PDCD6IP: variants seen among roughly 807,000 people sequenced by gnomAD.
PDCD6IP encodes the protein programmed cell death 6-interacting protein.
PDCD6IP carries 43 observed loss-of-function variants against 103.7 expected under a neutral mutation model. That is an observed-to-expected ratio of 0.41 (90% confidence interval 0.32 to 0.53). The LOEUF (loss-of-function observed/expected upper bound fraction) is 0.53, where lower values mean the gene tolerates loss of function less well. Ranked by LOEUF, PDCD6IP falls within the 20% of genes least tolerant of loss-of-function variation. PDCD6IP has a pLI of 0.16. For synonymous variants in PDCD6IP, 354 were observed against 378.7 expected, an observed-to-expected ratio of 0.93 and a Z score of 0.76; for missense variants, 871 against 1,036.7, an observed-to-expected ratio of 0.84 and a Z score of 2.20.
intron 1 of PDCD6IP, among the ~76,000 whole-genome samples, chr3:33,810,412 C>T (rs1466970598): frequency 6.6e-6 from 1 of 152,128 alleles, no homozygotes; most frequent in Non-Finnish European, 1.5e-5. Flanking sequence ...AACTTTCTGG[C>T]ATAGCAAGAT....
chr3:33,861,874 A>T (rs1028185549), intron 15 of PDCD6IP, among the ~76,000 whole-genome samples: 1 of 152,242 alleles, frequency 6.6e-6, no homozygotes, highest in African/African-American at 2.4e-5. Context: ...GCGTTTAAGA[A>T]GAATGAATAT....
chr3:33,844,819 C>T (rs1455418583), intron 11 of PDCD6IP, among the ~76,000 whole-genome samples: 1 of 151,938 alleles, frequency 6.6e-6, no homozygotes, highest in African/African-American at 2.4e-5. Flanking sequence ...GAGCATATTA[C>T]ATTTATGGCT....
intron 7 of PDCD6IP, among the ~76,000 whole-genome samples, chr3:33,831,407 A>G (rs913985046): frequency 2.6e-5 from 4 of 152,154 alleles, no homozygotes; most frequent in African/African-American, 9.7e-5. Flanking sequence ...GATTGTCATT[A>G]TAGAATACTT....
At position 33,807,452 on chromosome 3, in the gene PDCD6IP, T is replaced by C. The variant is rs1233620315; in HGVS notation, c.210-4620T>C. ...TTGCTGCCCAGACTTACTGTGGTGC[T>C]GCCTACACCAGAGTAAATATTCTGC... On this transcript the variant is annotated intron_variant, in intron 1 of 17. Coordinates refer to ENST00000307296, the MANE Select transcript of PDCD6IP (RefSeq NM_013374.6). Among the ~76,000 whole-genome samples the C allele has an allele frequency of 2.0e-5, 3 of 152,218 alleles. No individual in the cohort carries two copies. The East Asian group carries it at 5.8e-4, about 29-fold the overall frequency.
At chr3:33,837,459 TG>T (rs1225193442) in intron 8 of PDCD6IP, among the ~76,000 whole-genome samples, 2 of 152,228 alleles carry the variant, frequency 1.3e-5, no homozygotes, top group Admixed American at 1.3e-4. Context: ...TGCCCTGAGA[TG>T]GGTACTGTTA....
intron 1 of PDCD6IP, among the ~76,000 whole-genome samples, chr3:33,809,007 C>T (rs940536819): frequency 2.0e-5 from 3 of 152,176 alleles, no homozygotes; most frequent in South Asian, 4.1e-4. Flanking sequence ...TGGCTCACCT[C>T]ATCACCTTTT....
chr3:33,805,496 G>A (rs537214968), intron 1 of PDCD6IP, among the ~76,000 whole-genome samples: 1 of 151,712 alleles, frequency 6.6e-6, no homozygotes, highest in Admixed American at 6.6e-5. Context: ...GTACAGTGGC[G>A]CCACAATAGC....
Position 33,826,570 on chromosome 3 carries a change from C to A in PDCD6IP, c.707C>A (p.Thr236Asn). The stretch of plus-strand genomic sequence containing the variant: ...TTCAAACAGTGTCAATACAAAGATA[C>A]TCTCCCCAAGGTCAGTTATTGTTTT... ...DAFKQCQYKD[T>N]LPKEVFPVLA... The change falls in exon 6 of 18, where the codon ACT (threonine) becomes AAT (asparagine). Residue 236 changes from threonine (T) to asparagine (N), a missense_variant. Physicochemically the swap from Thr to Asn is moderately conservative, Grantham distance 65 (BLOSUM62 0). Around this residue, in one of 5 missense-constraint regions of PDCD6IP, gnomAD observed 242 missense variants for 250.7 expected, o/e 0.97. Coordinates refer to ENST00000307296, the MANE Select transcript of PDCD6IP (RefSeq NM_013374.6). 6.2e-7 allele frequency: 1 copy of A among 1,611,208 alleles called. No homozygotes were observed. Among genetic ancestry groups the A allele is most frequent in the Non-Finnish European group, 8.5e-7 (1 of 1,177,706 alleles).
intron 1 of PDCD6IP, 135 bp from the exon 2 acceptor site, chr3:33,811,937 A>G (rs1696728378): frequency 1.6e-6 from 2 of 1,253,496 alleles, no homozygotes; most frequent in Admixed American, 8.2e-5. Flanking sequence ...TTACGTATTA[A>G]AAAACTTTTT....
intron 1 of PDCD6IP, among the ~76,000 whole-genome samples, chr3:33,802,529 A>G (rs6801159): frequency 0.31 from 43,345 of 138,346 alleles, 6,514 homozygotes; most frequent in East Asian, 0.43. Context: ...TGCTCTTGTT[A>G]CCCAGGCTGG....
At chr3:33,831,444 A>G (rs982231146) in intron 7 of PDCD6IP, among the ~76,000 whole-genome samples, 5 of 152,188 alleles carry the variant, frequency 3.3e-5, no homozygotes, top group Non-Finnish European at 7.4e-5. Context: ...ATGAGGGCTT[A>G]TAACATCTAA....
intron 6 of PDCD6IP, chr3:33,827,334 T>C (rs1697149581): frequency 4.0e-6 from 2 of 504,178 alleles, no homozygotes; most frequent in Non-Finnish European, 5.1e-6. Flanking sequence ...TGGTATCTGT[T>C]ACATGATTTT....
At chr3:33,811,732 A>G (rs1401443433) in intron 1 of PDCD6IP, among the ~76,000 whole-genome samples, 1 of 152,262 alleles carries the variant, frequency 6.6e-6, no homozygotes, top group East Asian at 1.9e-4. Flanking sequence ...GCAGTTTACC[A>G]GAGATACTAA....
chr3:33,855,129 T>C, intron 14 of PDCD6IP, 37 bp from the exon 15 acceptor site: 1 of 1,312,204 alleles, frequency 7.6e-7, no homozygotes, highest in Non-Finnish European at 1.1e-6. Flanking sequence ...TAAAAAATTG[T>C]TCTTGTTCCT....
At chr3:33,838,997 A>G (rs556919304) in intron 9 of PDCD6IP, among the ~76,000 whole-genome samples, 2 of 152,136 alleles carry the variant, frequency 1.3e-5, no homozygotes, top group Admixed American at 1.3e-4. Flanking sequence ...TATAGAGACA[A>G]GATCTCACTT....
At chr3:33,835,413 T>G (rs1185134768) in intron 7 of PDCD6IP, 1 of 426,484 alleles carries the variant, frequency 2.3e-6, no homozygotes, top group Admixed American at 2.7e-5. Context: ...ATTCTTTGGA[T>G]GTAGAAATAA....
At chr3:33,862,391 G>A (rs1697973831) in intron 15 of PDCD6IP, among the ~76,000 whole-genome samples, 1 of 151,936 alleles carries the variant, frequency 6.6e-6, no homozygotes, top group South Asian at 2.1e-4. Flanking sequence ...GATGTTTTGG[G>A]ACATGTCATA....
At chr3:33,838,893 C>T (rs538786940) in intron 9 of PDCD6IP, among the ~76,000 whole-genome samples, 1 of 151,924 alleles carries the variant, frequency 6.6e-6, no homozygotes, top group African/African-American at 2.4e-5. Flanking sequence ...GCAGTCTCAA[C>T]CTTCTGGGCT....
chr3:33,841,502 G>A (rs1559789372), intron 9 of PDCD6IP, among the ~76,000 whole-genome samples: 1 of 138,916 alleles, frequency 7.2e-6, no homozygotes, highest in Non-Finnish European at 1.5e-5. Context: ...GCGGTGGCGC[G>A]ATCTCGGCTC....
Sources: allele counts gnomAD v4.1 joint callset (sites outside exome capture counted in the v4.1 genomes callset), GRCh38; gene constraint gnomAD v4.1.1; regional missense constraint gnomAD v4.1.1; transcripts MANE v1.5; gene names NCBI Gene and HGNC (gene_info 2026-07-23, HGNC 2026-07-21).